NFIL3: variants seen among roughly 807,000 people sequenced by gnomAD.
NFIL3 encodes nuclear factor, interleukin 3 regulated.
NFIL3 carries 5 observed loss-of-function variants against 10.0 expected under a neutral mutation model. That is an observed-to-expected ratio of 0.50 (90% CI 0.26 to 1.06). NFIL3 has a LOEUF of 1.06. Among genes scored for constraint, NFIL3 ranks in the 50% least tolerant of loss-of-function variants. The probability of loss-of-function intolerance (pLI) is 0.13; values close to 1 mark genes in which losing one functional copy is unlikely to be tolerated. For synonymous variants in NFIL3, 202 were observed against 206.5 expected (o/e 0.98, Z 0.19); for missense variants, 436 against 547.6 (o/e 0.80, Z 2.03).
chr9:91,443,154 TC>T, the NFIL3 span, among the ~76,000 whole-genome samples: 7 of 152,262 alleles, frequency 4.6e-5, no homozygotes, highest in African/African-American at 1.7e-4. Flanking sequence ...AGGCAGGTCA[TC>T]CTGATGTCTG....
At chr9:91,468,375 G>C in the NFIL3 span, among the ~76,000 whole-genome samples, 1 of 152,106 alleles carries the variant, frequency 6.6e-6, no homozygotes, top group South Asian at 2.1e-4. Flanking sequence ...CCCACTTTTT[G>C]ATGGGGTTGT....
chr9:91,427,277 G>A (rs1833881784), upstream of NFIL3: 1 of 152,230 alleles, frequency 6.6e-6, no homozygotes, highest in African/African-American at 2.4e-5. Flanking sequence ...AGGCTGGACA[G>A]TCTGAGTCCT....
chr9:91,443,455 C>T, the NFIL3 span, among the ~76,000 whole-genome samples: 1 of 152,258 alleles, frequency 6.6e-6, no homozygotes, highest in African/African-American at 2.4e-5. Context: ...AGGGCACCTG[C>T]AGGCCCATGC....
At chr9:91,446,478 C>T in the NFIL3 span, among the ~76,000 whole-genome samples, 4 of 152,154 alleles carry the variant, frequency 2.6e-5, no homozygotes, top group South Asian at 2.1e-4. Context: ...GAAATCACCC[C>T]TAATTTTACC....
chr9:91,481,155 AT>A, the NFIL3 span, among the ~76,000 whole-genome samples: 1 of 152,246 alleles, frequency 6.6e-6, no homozygotes, highest in Admixed American at 6.5e-5. Flanking sequence ...TCTTAGCCCA[AT>A]TCTACTCCCA....
chr9:91,424,614 C>T (rs1833848386), upstream of NFIL3, among the ~76,000 whole-genome samples: 1 of 152,346 alleles, frequency 6.6e-6, no homozygotes, highest in East Asian at 1.9e-4. Flanking sequence ...CAAACACCGC[C>T]CCCTGCACAA....
intron 1 of NFIL3, among the ~76,000 whole-genome samples, chr9:91,411,202 G>A (rs1833541548): frequency 6.6e-6 from 1 of 152,240 alleles, no homozygotes; most frequent in Non-Finnish European, 1.5e-5. Context: ...GAGGAAGGCT[G>A]TATTTAATGA....
At chr9:91,454,696 G>A in the NFIL3 span, among the ~76,000 whole-genome samples, 5 of 152,126 alleles carry the variant, frequency 3.3e-5, no homozygotes, top group Non-Finnish European at 5.9e-5. Flanking sequence ...GCAGCTTGTG[G>A]TGGCACGTGC....
the NFIL3 span, among the ~76,000 whole-genome samples, chr9:91,439,632 T>C: frequency 1.3e-5 from 2 of 151,928 alleles, no homozygotes; most frequent in African/African-American, 2.4e-5. Flanking sequence ...TTGATTATGT[T>C]GTTAGCTGTG....
the NFIL3 span, among the ~76,000 whole-genome samples, chr9:91,437,665 T>C: frequency 6.6e-6 from 1 of 152,214 alleles, no homozygotes; most frequent in Non-Finnish European, 1.5e-5. Flanking sequence ...ATTTCCTTTC[T>C]ACCTCCCTAG....
rs1373308004 is a variant in NFIL3, at chr9:91,409,155, T to C, written c.*191A>G. 1.7e-6 allele frequency: 1 copy of C among 573,160 alleles called. No homozygotes were observed. The highest frequency in any genetic ancestry group is 3.0e-6 in the Non-Finnish European group (1 of 334,282). 35.5% of individuals were successfully genotyped at this position (573,160 alleles called of 1,614,324 possible). ...AGCCTTCGCATGGACTATCTGACTA[T>C]ACACAGGCAGAGTGATAACACAATC... On this transcript the variant is annotated 3_prime_UTR_variant, in exon 2 of 2. Transcript: ENST00000297689.
chr9:91,465,281 A>T, the NFIL3 span, among the ~76,000 whole-genome samples: 22 of 151,974 alleles, frequency 1.4e-4, no homozygotes, highest in Middle Eastern at 6.8e-3. Flanking sequence ...TCTGTTTTTT[A>T]AAAAAAATAT....
intron 1 of NFIL3, among the ~76,000 whole-genome samples, chr9:91,412,267 A>C (rs1833568309): frequency 6.6e-6 from 1 of 152,196 alleles, no homozygotes; most frequent in Non-Finnish European, 1.5e-5. Flanking sequence ...TTTCAAGTAA[A>C]ATATAACAAC....
chr9:91,474,546 A>T, the NFIL3 span, among the ~76,000 whole-genome samples: 1 of 152,048 alleles, frequency 6.6e-6, no homozygotes, highest in Non-Finnish European at 1.5e-5. Flanking sequence ...CAATTCTATG[A>T]TCTAATAAGA....
chr9:91,431,792 G>A, the NFIL3 span, among the ~76,000 whole-genome samples: 1 of 152,160 alleles, frequency 6.6e-6, no homozygotes, highest in African/African-American at 2.4e-5. Context: ...CAATGACCCA[G>A]GCCACACAAG....
the NFIL3 span, among the ~76,000 whole-genome samples, chr9:91,435,543 C>T: frequency 1.3e-5 from 2 of 152,138 alleles, no homozygotes; most frequent in African/African-American, 4.8e-5. Context: ...TGACCGAGTC[C>T]ACCTGCCTCT....
upstream of NFIL3, among the ~76,000 whole-genome samples, chr9:91,424,716 G>T (rs1393216715): frequency 6.6e-6 from 1 of 152,240 alleles, no homozygotes; most frequent in African/African-American, 2.4e-5. Context: ...CGCCACGCGG[G>T]TGCGGCGTTC....
the NFIL3 span, among the ~76,000 whole-genome samples, chr9:91,460,491 G>A: frequency 1.3e-4 from 19 of 151,824 alleles, no homozygotes; most frequent in Middle Eastern, 3.2e-3. Flanking sequence ...TGGCCAGGCT[G>A]GTCTTGAACT....
chr9:91,479,056 G>A, the NFIL3 span, among the ~76,000 whole-genome samples: 2 of 152,192 alleles, frequency 1.3e-5, no homozygotes, highest in Non-Finnish European at 2.9e-5. Flanking sequence ...GCCAGCCGGA[G>A]CTCTCCTGTA....
Sources: gnomAD v4.1 joint callset for allele counts (sites outside exome capture counted in the v4.1 genomes callset) on GRCh38, gnomAD v4.1.1 for gene constraint, MANE v1.5 for transcripts, NCBI Gene and HGNC (gene_info 2026-07-23, HGNC 2026-07-21) for gene names.